The following LAMA5 variants were observed in gnomAD, a reference collection of about 807,000 sequenced individuals.
LAMA5 encodes the protein laminin subunit alpha 5.
A neutral mutation model predicts 433.4 loss-of-function variants in LAMA5; 260 were observed. That is an observed-to-expected ratio of 0.60 (90% CI 0.54 to 0.66). The LOEUF is 0.66. Ranked by LOEUF, LAMA5 falls within the 30% of genes least tolerant of loss-of-function variation. LAMA5 has a pLI of 0.00. For synonymous variants in LAMA5, 2,620 were observed against 2,226.6 expected, an observed-to-expected ratio of 1.18 and a Z score of -4.97; for missense variants, 5,378 against 5,258.5, an observed-to-expected ratio of 1.02 and a Z score of -0.70.
intron 18 of LAMA5, 52 bp downstream of exon 18, chr20:62,336,288 G>T: frequency 7.5e-7 from 1 of 1,324,622 alleles, no homozygotes; most frequent in Non-Finnish European, 1.1e-6. Flanking sequence ...TATACTTGTG[G>T]GCACAGTTCC....
rs1986816250 is a variant in LAMA5, at chr20:62,367,059, T to C, written c.187A>G (p.Thr63Ala). 1.6e-6 allele frequency: 2 copies of C among 1,264,890 alleles called. No homozygotes were observed. Among genetic ancestry groups the C allele is most frequent in the African/African-American group, 3.1e-5 (2 of 64,702 alleles). 78.4% of individuals were successfully genotyped at this position (1,264,890 alleles called of 1,614,324 possible). ...AEGARIAASA[T>A]CGEEAPARGS... ...CGCGCCGGGGCCTCCTCTCCGCAGG[T>C]CGCGGAGGCGGCGATGCGGGCGCCC... Residue 63 changes from threonine to alanine, a missense_variant, in exon 1 of 80, where the codon ACC becomes GCC. Thr to Ala is a moderately conservative substitution (Grantham distance 58). Coordinates refer to ENST00000252999, the MANE Select transcript of LAMA5 (RefSeq NM_005560.6).
Position 62,313,548 on chromosome 20 carries a change from G to A in LAMA5, c.8659-88C>T, listed in dbSNP as rs555798340. 102 of 1,563,246 alleles carry A rather than the reference G, an allele frequency of 6.5e-5. No homozygotes were observed. The East Asian group carries it at 8.3e-4, about 13-fold the overall frequency. ...AGGGGACTTCAGACTACAGCAGGACGGACTGAGGCAAGATACCAAAAGAAC... is the reference window on the plus strand; with the variant it reads ...AGGGGACTTCAGACTACAGCAGGACAGACTGAGGCAAGATACCAAAAGAAC... On this transcript the variant is annotated intron_variant, in intron 63 of 79. Coordinates refer to ENST00000252999, the MANE Select transcript of LAMA5 (RefSeq NM_005560.6).
chr20:62,326,628 T>G, intron 40 of LAMA5, 49 bp downstream of exon 40: 60 of 1,467,792 alleles, frequency 4.1e-5, no homozygotes, highest in Non-Finnish European at 5.1e-5. Context: ...CCTTCCCAGA[T>G]GAGCTGAGGT....
At position 62,337,581 on chromosome 20, in the gene LAMA5, C is replaced by G; in HGVS notation, c.2164+9G>C. Reference sequence around the variant, plus strand: ...GGCACCTGGTGCACACAGCCACCTGCCTGCTCACCTTCGCAGTAGGGGAAG... The same window carrying G: ...GGCACCTGGTGCACACAGCCACCTGGCTGCTCACCTTCGCAGTAGGGGAAG... On this transcript the variant is annotated intron_variant, in intron 16 of 79. Coordinates refer to ENST00000252999, the MANE Select transcript of LAMA5 (RefSeq NM_005560.6). The G allele has an allele frequency of 6.3e-7, 1 of 1,595,486 alleles. No individual in the cohort carries two copies. Among genetic ancestry groups the G allele is most frequent in the South Asian group, 1.1e-5 (1 of 88,940 alleles).
chr20:62,349,253 AGAGT>A (rs1479726722), intron 6 of LAMA5, among the ~76,000 whole-genome samples: 1 of 128,264 alleles, frequency 7.8e-6, no homozygotes. Flanking sequence ...TCTGGGCAAC[AGAGT>A]GAGACTCCAT....
intron 2 of LAMA5, among the ~76,000 whole-genome samples, chr20:62,354,298 C>T (rs955821122): frequency 6.6e-6 from 1 of 151,784 alleles, no homozygotes; most frequent in African/African-American, 2.4e-5. Context: ...GGCCTGCTGA[C>T]TCCCCTCAGG....
Position 62,332,593 on chromosome 20 carries a change from T to A in LAMA5, c.3407A>T (p.Gln1136Leu). The A allele has an allele frequency of 6.3e-7, 1 of 1,594,832 alleles. No homozygotes were observed. Among genetic ancestry groups the A allele is most frequent in the Non-Finnish European group, 8.6e-7 (1 of 1,169,192 alleles). Reference sequence around the variant, plus strand: ...GGGGTGCAGGGAGAGCAGCCCCTGCTGGGGGGCCCGCTGTGGGGTGTGCAC... The same window carrying A: ...GGGGTGCAGGGAGAGCAGCCCCTGCAGGGGGGCCCGCTGTGGGGTGTGCAC... ...VAVHTPQRAP[Q>L]QGLLSLHPCL... The change falls in exon 27 of 80, where the codon CAG becomes CTG. Residue 1136 changes from glutamine (Q) to leucine (L), a missense_variant. Gln to Leu is a moderately radical substitution (Grantham distance 113). Transcript: ENST00000252999.
chr20:62,312,074 C>T (rs371141811), intron 69 of LAMA5, 24 bp from the exon 70 acceptor site: 35 of 1,609,776 alleles, frequency 2.2e-5, no homozygotes, highest in African/African-American at 1.7e-4. Context: ...CCAGGTCAGC[C>T]GGCCGGCCTG....
In LAMA5 at chr20:62,334,244, T is replaced by C; in HGVS notation, c.2681A>G (p.Asn894Ser). 6.2e-7 allele frequency: 1 copy of C among 1,612,738 alleles called. No homozygotes were observed. The highest frequency in any genetic ancestry group is 8.5e-7 in the Non-Finnish European group (1 of 1,179,848). Reference protein sequence around the residue: ...PEGHAVRFGFNPLEFENFSWR... With the variant: ...PEGHAVRFGFSPLEFENFSWR... ...GCTGAAGTTCTCGAACTCGAGGGGG[T>C]TGAAGCCAAAGCGCACGGCGTGACC... The change falls in exon 22 of 80, where the codon AAC becomes AGC. Residue 894 changes from asparagine (N) to serine (S), a missense_variant. Coordinates refer to ENST00000252999, the MANE Select transcript of LAMA5 (RefSeq NM_005560.6).
chr20:62,311,103 G>T lies in LAMA5; in HGVS notation c.10089-9C>A. ...GCATGGAGAGACTGGGCCTGGAAGC[G>T]GAGCTGGCGTCAGCCTGCGCGGCCC... On this transcript the variant is annotated splice_polypyrimidine_tract_variant and intron_variant, in intron 73 of 79. Transcript: ENST00000252999. 1.3e-6 allele frequency: 2 copies of T among 1,568,598 alleles called. No individual in the cohort carries two copies. Among genetic ancestry groups the T allele is most frequent in the Non-Finnish European group, 1.7e-6 (2 of 1,155,184 alleles).
chr20:62,349,270 CA>C (rs35537683), intron 6 of LAMA5, among the ~76,000 whole-genome samples: 10,012 of 45,068 alleles, frequency 0.22, 120 homozygotes, highest in African/African-American at 0.28. Flanking sequence ...GACTCCATCT[CA>C]AAAAAAAAAA....
intron 3 of LAMA5, 62 bp downstream of exon 3, chr20:62,353,072 G>A (rs1404904323): frequency 6.4e-6 from 8 of 1,242,166 alleles, no homozygotes; most frequent in African/African-American, 1.5e-5. Context: ...GCCTGGTCAC[G>A]GAGGGCCTGC....
At chr20:62,356,187 G>A (rs1303409811) in intron 2 of LAMA5, 1 of 152,284 alleles carries the variant, frequency 6.6e-6, no homozygotes, top group African/African-American at 2.4e-5. Flanking sequence ...CCATCTGTCT[G>A]TCAGACAGGG....
intron 11 of LAMA5, chr20:62,342,089 G>A (rs1207317451): frequency 6.4e-6 from 1 of 156,518 alleles, no homozygotes; most frequent in Non-Finnish European, 1.4e-5. Flanking sequence ...GATCACTTGT[G>A]GTCAGAGTTC....
At position 62,323,462 on chromosome 20, in the gene LAMA5, A is replaced by G. The variant is rs1223183307; in HGVS notation, c.6058T>C (p.Cys2020Arg). Residue 2020 changes from cysteine to arginine, a missense_variant, in exon 45 of 80, where the codon TGC becomes CGC. By Grantham distance (180) the Cys-to-Arg change is radical. Coordinates refer to ENST00000252999, the MANE Select transcript of LAMA5 (RefSeq NM_005560.6). ...CTCCCAGCCCGACGCCTACGGGTGC[A>G]GTTGCCGGGCAGCAGGGCGTTGCCG... ...FYGNALLPGN[C>R]TRCDCTPCGT... 2 of 1,539,926 alleles carry G rather than the reference A, an allele frequency of 1.3e-6. No homozygotes were observed. The highest frequency in any genetic ancestry group is 2.4e-5 in the South Asian group (2 of 83,682).
intron 2 of LAMA5, among the ~76,000 whole-genome samples, chr20:62,360,862 C>T (rs1356515351): frequency 2.6e-5 from 4 of 152,200 alleles, no homozygotes; most frequent in East Asian, 1.9e-4. Context: ...ACATGTGCAC[C>T]GAGGCCGAGA....
intron 45 of LAMA5, 100 bp from the exon 46 acceptor site, chr20:62,322,858 TC>T (rs921309322): frequency 1.0e-5 from 8 of 770,158 alleles, no homozygotes; most frequent in Non-Finnish European, 1.6e-5. Flanking sequence ...TCCTGCTGTG[TC>T]TCCTCCAGGC....
intron 11 of LAMA5, among the ~76,000 whole-genome samples, chr20:62,341,218 G>A (rs1044497240): frequency 7.2e-5 from 11 of 152,130 alleles, no homozygotes; most frequent in South Asian, 2.1e-4. Context: ...CCACGAAAAG[G>A]ACAGGAGGGA....
intron 2 of LAMA5, among the ~76,000 whole-genome samples, chr20:62,358,390 C>T (rs1382563609): frequency 3.9e-5 from 6 of 152,192 alleles, no homozygotes; most frequent in African/African-American, 9.7e-5. Context: ...CTGTCCCGGC[C>T]GCCGAGCTCT....
Sources: allele counts gnomAD v4.1 joint callset (sites outside exome capture counted in the v4.1 genomes callset), GRCh38; gene constraint gnomAD v4.1.1; transcripts MANE v1.5; gene names NCBI Gene and HGNC (gene_info 2026-07-23, HGNC 2026-07-21).